Variants in TPCN2 observed in about 807,000 individuals in gnomAD.
The protein encoded by TPCN2 is two pore segment channel 2, also known as two pore channel protein 2.
TPCN2 carries 92 observed loss-of-function variants against 111.4 expected under a neutral mutation model. The ratio of observed to expected loss-of-function variants is 0.83; its 90% CI spans 0.70 to 0.98. The LOEUF (loss-of-function observed/expected upper bound fraction) is 0.98. TPCN2 is among the 50% of genes least tolerant of loss of function. The pLI is 0.00. For missense variants in TPCN2, 995 were observed against 980.1 expected (o/e 1.02, Z -0.20); for synonymous variants, 405 against 414.5 (o/e 0.98, Z 0.28).
rs1856358019 is a variant in TPCN2, at chr11:69,088,335, C to G, written c.*382C>G. The G allele has an allele frequency of 4.9e-6, 1 of 205,972 alleles. No individual in the cohort carries two copies. Among genetic ancestry groups the G allele is most frequent in the African/African-American group, 2.3e-5 (1 of 43,592 alleles). 12.8% of individuals were successfully genotyped at this position (205,972 alleles called of 1,614,324 possible). ...ACCACAGGCCTGACCAGGGCCTGCA[C>G]AGGTTAACCGTCAGACTTCCGGGGC... On this transcript the variant is annotated 3_prime_UTR_variant, in exon 25 of 25. Transcript: ENST00000294309.
chr11:69,053,967 G>C (rs1316218950), intron 1 of TPCN2, 66 bp from the exon 2 acceptor site: 4 of 1,371,360 alleles, frequency 2.9e-6, no homozygotes, highest in Non-Finnish European at 3.1e-6. Flanking sequence ...CCTTGATCAC[G>C]GGTATCCTGG....
chr11:69,087,244 G>C (rs1433776564), intron 24 of TPCN2, 38 bp downstream of exon 24: 15 of 1,592,946 alleles, frequency 9.4e-6, no homozygotes, highest in Non-Finnish European at 1.3e-5. Context: ...CTGGCCCCCT[G>C]GGATGGGAAG....
chr11:69,059,578 A>G (rs1854928684), intron 5 of TPCN2, among the ~76,000 whole-genome samples: 1 of 152,172 alleles, frequency 6.6e-6, no homozygotes, highest in Non-Finnish European at 1.5e-5. Context: ...AGCGTTGCTG[A>G]GTCTTCCTAA....
In TPCN2 at chr11:69,070,303, G is replaced by T. The variant is rs537701121; in HGVS notation, c.830-127G>T. On this transcript the variant is annotated intron_variant, in intron 8 of 24. Coordinates refer to ENST00000294309, the MANE Select transcript of TPCN2 (RefSeq NM_139075.4). ...AGCCTCCCAAAGTGCTGGGATTACA[G>T]GCGTGAGCCACCACGCTCAGCAATG... 390 of 721,380 alleles carry T rather than the reference G, an allele frequency of 5.4e-4. 8 individuals are homozygous for T. The South Asian group carries it at 5.7e-3, about 11-fold the overall frequency. 44.7% of individuals were successfully genotyped at this position (721,380 alleles called of 1,614,324 possible).
chr11:69,072,764 C>T (rs1590734092), intron 12 of TPCN2, 56 bp downstream of exon 12: 1 of 1,597,278 alleles, frequency 6.3e-7, no homozygotes, highest in African/African-American at 1.3e-5. Context: ...GTCACTTGGG[C>T]CAGCAGCCCC....
Position 69,054,689 on chromosome 11 carries a change from A to G in TPCN2, c.175-32A>G, listed in dbSNP as rs1359287707. On this transcript the variant is annotated intron_variant, in intron 2 of 24. Transcript: ENST00000294309. Reference sequence around the variant, plus strand: ...GTCACGGCCCACCCTGCATGCACCCATGTCATGCCTCATGTGACTTTTCGC... The same window carrying G: ...GTCACGGCCCACCCTGCATGCACCCGTGTCATGCCTCATGTGACTTTTCGC... 3 of 1,605,162 alleles carry G rather than the reference A, an allele frequency of 1.9e-6. No individual in the cohort carries two copies. In the African/African-American group the frequency reaches 4.0e-5, roughly 21 times the overall value.
intron 5 of TPCN2, among the ~76,000 whole-genome samples, chr11:69,061,706 C>T (rs1796359163): frequency 6.6e-6 from 1 of 151,704 alleles, no homozygotes. Context: ...GGAGGATGGG[C>T]TGGGATAGGA....
chr11:69,063,161 T>A (rs1397328960), intron 6 of TPCN2, among the ~76,000 whole-genome samples, 171 bp downstream of exon 6: 1 of 151,718 alleles, frequency 6.6e-6, no homozygotes, highest in Non-Finnish European at 1.5e-5. Context: ...GGGGTCTCTT[T>A]GGTTCCAGCA....
chr11:69,061,387 T>G (rs1855016019), intron 5 of TPCN2, among the ~76,000 whole-genome samples: 2 of 152,116 alleles, frequency 1.3e-5, no homozygotes, highest in South Asian at 4.1e-4. Flanking sequence ...GGGTTTTGGT[T>G]TTGTGCAAGG....
chr11:69,080,453 C>T (rs1855956846), intron 17 of TPCN2, among the ~76,000 whole-genome samples: 2 of 152,242 alleles, frequency 1.3e-5, no homozygotes, highest in African/African-American at 4.8e-5. Context: ...TGGGCAGGGA[C>T]CCTGGAGCCT....
At position 69,071,363 on chromosome 11, in the gene TPCN2, G is replaced by A. The variant is rs199759319; in HGVS notation, c.903G>A (p.Leu301=). ...FFIVFTVIGS[L]FLMNLLTAII... The stretch of plus-strand genomic sequence containing the variant: ...GGCTGTCTCCTCTTGAAGGAAGCCT[G>A]TTTCTGATGAACCTGCTGACAGCCA... The change falls in exon 10 of 25, where the codon CTG becomes CTA. Residue 301 remains leucine, a synonymous_variant. Coordinates refer to ENST00000294309, the MANE Select transcript of TPCN2 (RefSeq NM_139075.4). 22 of 1,613,890 alleles carry A rather than the reference G, an allele frequency of 1.4e-5. No individual in the cohort carries two copies. The East Asian group carries it at 2.2e-4, about 16-fold the overall frequency.
At chr11:69,056,317 A>T (rs1240894234) in intron 4 of TPCN2, among the ~76,000 whole-genome samples, 1 of 152,096 alleles carries the variant, frequency 6.6e-6, no homozygotes, top group Non-Finnish European at 1.5e-5. Context: ...TTGTGGCTGG[A>T]TGCTGGTGTG....
chr11:69,077,868 A>G (rs559827197), intron 13 of TPCN2, among the ~76,000 whole-genome samples: 2 of 152,292 alleles, frequency 1.3e-5, no homozygotes, highest in East Asian at 3.9e-4. Flanking sequence ...TGAAATTTTC[A>G]TGAAATAGCC....
chr11:69,056,344 G>A (rs1028991109), intron 4 of TPCN2, among the ~76,000 whole-genome samples: 1 of 152,184 alleles, frequency 6.6e-6, no homozygotes, highest in Non-Finnish European at 1.5e-5. Flanking sequence ...TGCAGGCCCC[G>A]GGCAGTTTCT....
At chr11:69,058,829 G>A (rs1270314340) in intron 5 of TPCN2, among the ~76,000 whole-genome samples, 3 of 152,262 alleles carry the variant, frequency 2.0e-5, no homozygotes, top group Admixed American at 1.3e-4. Flanking sequence ...CAAAGGGAGC[G>A]AGGATAGCCC....
intron 7 of TPCN2, among the ~76,000 whole-genome samples, chr11:69,066,262 G>A (rs920893627): frequency 1.3e-5 from 2 of 152,116 alleles, no homozygotes. Context: ...GGTGACTGCT[G>A]GAGGCCAGCC....
At position 69,055,335 on chromosome 11, in the gene TPCN2, G is replaced by T; in HGVS notation, c.412G>T (p.Ala138Ser). ...VEVLCLLVFA[A>S]DLSVKGYLFG... Reference sequence around the variant, plus strand: ...GGTGCTCTGCCTGCTGGTCTTTGCGGCCGACCTCTCTGTGAAGGTGAGGCG... The same window carrying T: ...GGTGCTCTGCCTGCTGGTCTTTGCGTCCGACCTCTCTGTGAAGGTGAGGCG... Residue 138 changes from alanine (A) to serine (S), a missense_variant, in exon 4 of 25, where the codon GCC (alanine) becomes TCC (serine). Physicochemically the swap from Ala to Ser is moderately conservative, Grantham distance 99. Transcript: ENST00000294309. 6.2e-7 allele frequency: 1 copy of T among 1,610,382 alleles called. No homozygotes were observed.
chr11:69,066,886 G>A (rs1007665646), intron 7 of TPCN2, among the ~76,000 whole-genome samples: 3 of 152,184 alleles, frequency 2.0e-5, no homozygotes, highest in Non-Finnish European at 2.9e-5. Context: ...GTTGCTTTCC[G>A]AGCAGAAACA....
intron 17 of TPCN2, among the ~76,000 whole-genome samples, chr11:69,080,408 C>CCACT (rs1855954449): frequency 1.3e-5 from 2 of 152,248 alleles, no homozygotes; most frequent in Non-Finnish European, 2.9e-5. Context: ...TGCTGATTCA[C>CCACT]CACTGCCCGG....
Sources: allele counts gnomAD v4.1 joint callset (sites outside exome capture counted in the v4.1 genomes callset), GRCh38; gene constraint gnomAD v4.1.1; transcripts MANE v1.5; gene names NCBI Gene and HGNC (gene_info 2026-07-23, HGNC 2026-07-21).